MMP27: variants seen among roughly 807,000 people sequenced by gnomAD.
MMP27 encodes matrix metalloproteinase-27.
Under a neutral mutation model 48.1 loss-of-function variants are expected in MMP27, and 51 were observed. The observed-to-expected ratio is 1.06, with a 90% confidence interval of 0.85 to 1.34. The LOEUF is 1.34. Among genes scored for constraint, MMP27 ranks in the 40% most tolerant of loss-of-function variants. The probability of loss-of-function intolerance (pLI) is 0.00; values close to 1 mark genes in which losing one functional copy is unlikely to be tolerated. For synonymous variants in MMP27, 229 were observed against 208.9 expected (o/e 1.10, Z -0.83); for missense variants, 698 against 619.3 (o/e 1.13, Z -1.35).
Position 102,703,112 on chromosome 11 carries a change from T to C in MMP27, c.348A>G (p.Ile116Met). 1 of 1,609,722 alleles carries C rather than the reference T, an allele frequency of 6.2e-7. No individual in the cohort carries two copies. The highest frequency in any genetic ancestry group is 1.1e-5 in the South Asian group (1 of 89,604). ...WRKYNLTYRI[I>M]NYTPDMARAA... ...CTCGTGCCATATCCGGAGTATAGTT[T>C]ATTATTCTTAAAAATTAACAAAAAT... Residue 116 changes from isoleucine to methionine, a missense_variant, in exon 3 of 10, where the codon ATA (isoleucine) becomes ATG (methionine). By Grantham distance (10) the Ile-to-Met change is conservative. Coordinates refer to ENST00000260229, the MANE Select transcript of MMP27 (RefSeq NM_022122.3).
intron 1 of MMP27, 41 bp from the exon 2 acceptor site, chr11:102,704,816 T>G: frequency 7.5e-7 from 1 of 1,332,754 alleles, no homozygotes; most frequent in Non-Finnish European, 1.0e-6. Flanking sequence ...AGGCACAGAC[T>G]ACAGGAGAGC....
In MMP27 at chr11:102,696,387, T is replaced by C. The variant is rs768927678; in HGVS notation, c.886A>G (p.Met296Val). Residue 296 changes from methionine (M) to valine (V), a missense_variant, in exon 6 of 10, where the codon ATG becomes GTG. Met to Val is a conservative substitution (Grantham distance 21, BLOSUM62 1). Coordinates refer to ENST00000260229, the MANE Select transcript of MMP27 (RefSeq NM_022122.3). ...DAITTFRREV[M>V]FFKGRHLWRI... ...TGAGTTTACCTGCCTTTAAAGAACATTACTTCTCTGCGGAAAGTTGTGATA... is the reference window on the plus strand; with the variant it reads ...TGAGTTTACCTGCCTTTAAAGAACACTACTTCTCTGCGGAAAGTTGTGATA... 13 of 1,613,784 alleles carry C rather than the reference T, an allele frequency of 8.1e-6. No homozygotes were observed. The South Asian group carries it at 9.9e-5, about 12-fold the overall frequency.
intron 9 of MMP27, among the ~76,000 whole-genome samples, chr11:102,692,557 A>G (rs1030416425): frequency 6.6e-6 from 1 of 152,202 alleles, no homozygotes; most frequent in Non-Finnish European, 1.5e-5. Context: ...GGTATCACTC[A>G]CAATTCTGCC....
intron 4 of MMP27, among the ~76,000 whole-genome samples, chr11:102,700,248 T>C (rs931266795): frequency 3.3e-5 from 5 of 152,240 alleles, no homozygotes; most frequent in Admixed American, 2.6e-4. Flanking sequence ...AACACTGTTA[T>C]TGGCCATATG....
chr11:102,692,382 T>C (rs1239521537), intron 9 of MMP27, among the ~76,000 whole-genome samples: 1 of 152,176 alleles, frequency 6.6e-6, no homozygotes, highest in Non-Finnish European at 1.5e-5. Context: ...CTTTGATCTG[T>C]TTTAGGTTTT....
chr11:102,695,088 C>T lies in MMP27; in HGVS notation c.912G>A (p.Trp304Ter), dbSNP rs762032244. 8.7e-6 allele frequency: 14 copies of T among 1,613,678 alleles called. No individual in the cohort carries two copies. The highest frequency in any genetic ancestry group is 1.7e-5 in the Admixed American group (1 of 59,988). ...EVMFFKGRHL[W>*]RIYYDITDVE... ...CATCCGTGATATCATAATAGATCCT[C>T]CATAGGTGCCTGTGTTAAACAAAAA... The change falls in exon 7 of 10, where the codon TGG (tryptophan) becomes TGA (stop). Residue 304 changes from tryptophan to a stop codon, truncating the protein, a stop_gained. Coordinates refer to ENST00000260229, the MANE Select transcript of MMP27 (RefSeq NM_022122.3). LOFTEE classifies it high-confidence loss of function.
chr11:102,692,284 T>C (rs1391756572), intron 9 of MMP27, among the ~76,000 whole-genome samples: 1 of 152,224 alleles, frequency 6.6e-6, no homozygotes, highest in Non-Finnish European at 1.5e-5. Context: ...AAACTAGGCT[T>C]CAACAAAGTG....
intron 4 of MMP27, 24 bp downstream of exon 4, chr11:102,702,729 G>A (rs575020193): frequency 2.5e-6 from 4 of 1,577,998 alleles, no homozygotes; most frequent in South Asian, 1.2e-5. Flanking sequence ...ATAAGATTTT[G>A]TTCATAAAGA....
chr11:102,695,983 A>G (rs932762046), intron 6 of MMP27, among the ~76,000 whole-genome samples: 2 of 152,158 alleles, frequency 1.3e-5, no homozygotes, highest in African/African-American at 4.8e-5. Flanking sequence ...TACTCCAACC[A>G]TGGCCAATTT....
intron 1 of MMP27, 111 bp downstream of exon 1, chr11:102,705,502 A>C (rs1591664755): frequency 1.5e-6 from 1 of 651,940 alleles, no homozygotes; most frequent in Non-Finnish European, 2.5e-6. Context: ...TCCTTCTCAC[A>C]AAAAAGTTCA....
intron 4 of MMP27, among the ~76,000 whole-genome samples, chr11:102,700,659 T>G (rs1163763620): frequency 6.6e-6 from 1 of 152,252 alleles, no homozygotes; most frequent in Non-Finnish European, 1.5e-5. Flanking sequence ...TCTGCCAAAC[T>G]ACAAACCATT....
chr11:102,693,073 G>T (rs371586562), intron 8 of MMP27, 32 bp from the exon 9 acceptor site: 33 of 1,573,894 alleles, frequency 2.1e-5, no homozygotes, highest in Non-Finnish European at 2.8e-5. Context: ...GATACCAGCG[G>T]ATCTTTGGTT....
At position 102,703,101 on chromosome 11, in the gene MMP27, G is replaced by T. The variant is rs201748506; in HGVS notation, c.359C>A (p.Pro120Gln). The part of the protein sequence containing the change: ...NLTYRIINYT[P>Q]DMARAAVDEA... The stretch of plus-strand genomic sequence containing the variant: ...ATCCACAGCAGCTCGTGCCATATCC[G>T]GAGTATAGTTTATTATTCTTAAAAA... The change falls in exon 3 of 10, where the codon CCG (proline) becomes CAG (glutamine). Residue 120 changes from proline to glutamine, a missense_variant. Transcript: ENST00000260229. The T allele has an allele frequency of 6.2e-7, 1 of 1,612,808 alleles. No homozygotes were observed. Among genetic ancestry groups the T allele is most frequent in the Non-Finnish European group, 8.5e-7 (1 of 1,179,738 alleles).
chr11:102,695,159 A>G, intron 6 of MMP27, 62 bp from the exon 7 acceptor site: 1 of 1,566,762 alleles, frequency 6.4e-7, no homozygotes, highest in Non-Finnish European at 8.7e-7. Context: ...AGAATTTTGT[A>G]ATCTTAGGCT....
At chr11:102,702,731 T>A (rs375364285) in intron 4 of MMP27, 22 bp downstream of exon 4, 1 of 1,579,320 alleles carries the variant, frequency 6.3e-7, no homozygotes, top group Non-Finnish European at 8.6e-7. Context: ...AAGATTTTGT[T>A]CATAAAGAAA....
intron 7 of MMP27, among the ~76,000 whole-genome samples, chr11:102,694,337 A>G (rs1461770342): frequency 1.3e-5 from 2 of 152,220 alleles, no homozygotes; most frequent in Non-Finnish European, 2.9e-5. Context: ...TGTCAAAACA[A>G]TCAAGTAAGC....
chr11:102,696,061 G>A (rs778963046), intron 6 of MMP27, among the ~76,000 whole-genome samples: 17 of 152,240 alleles, frequency 1.1e-4, no homozygotes, highest in African/African-American at 2.2e-4. Flanking sequence ...CTCCTGTAAC[G>A]GAGTGTAAGT....
intron 4 of MMP27, among the ~76,000 whole-genome samples, chr11:102,697,739 A>C (rs896502465): frequency 1.3e-5 from 2 of 152,068 alleles, no homozygotes; most frequent in Non-Finnish European, 1.5e-5. Context: ...CTCCAGGCTA[A>C]AGCAATCCTC....
At chr11:102,692,550 A>G (rs1860744523) in intron 9 of MMP27, among the ~76,000 whole-genome samples, 1 of 152,220 alleles carries the variant, frequency 6.6e-6, no homozygotes, top group Non-Finnish European at 1.5e-5. Flanking sequence ...ATTCTTAGGT[A>G]TCACTCACAA....
Sources: allele counts gnomAD v4.1 joint callset (sites outside exome capture counted in the v4.1 genomes callset), GRCh38; gene constraint gnomAD v4.1.1; transcripts MANE v1.5; gene names NCBI Gene and HGNC (gene_info 2026-07-23, HGNC 2026-07-21).